DDC: variants seen among roughly 807,000 people sequenced by gnomAD.
The protein encoded by DDC is aromatic-L-amino-acid decarboxylase.
A neutral mutation model predicts 60.0 loss-of-function variants in DDC; 43 were observed. The ratio of observed to expected loss-of-function variants is 0.72; its 90% confidence interval spans 0.56 to 0.92. The LOEUF is 0.92. Ranked by LOEUF, DDC falls within the 40% of genes least tolerant of loss-of-function variation. The pLI is 0.00. For synonymous variants in DDC, 232 were observed against 234.6 expected (o/e 0.99, Z 0.10); for missense variants, 573 against 620.2 (o/e 0.92, Z 0.81).
chr7:50,497,674 CATT>C (rs1435546586), intron 8 of DDC, among the ~76,000 whole-genome samples: 3 of 152,196 alleles, frequency 2.0e-5, no homozygotes, highest in African/African-American at 7.2e-5. Flanking sequence ...ACTGGCATCA[CATT>C]ATGAGAACTT....
chr7:50,459,935 G>A lies in DDC; in HGVS notation c.*19-1092C>T, dbSNP rs1374772483. Among the ~76,000 whole-genome samples the A allele has an allele frequency of 5.0e-5, 7 of 141,042 alleles. 1 individual carries two copies. The highest frequency in any genetic ancestry group is 1.9e-4 in the African/African-American group (7 of 35,966). The allele number at this position is 141,042 out of a possible 152,430, so 92.5% of individuals were successfully genotyped here. ...GCCCCATCCAGGAGGGAGGTGGGGG[G>A]GTCAGCCCCCTGCCCGGCCAGCCGC... On this transcript the variant is annotated intron_variant, in intron 14 of 14. Coordinates refer to ENST00000444124, the MANE Select transcript of DDC (RefSeq NM_001082971.2).
chr7:50,469,251 A>ATTGT (rs2042473559), intron 12 of DDC, among the ~76,000 whole-genome samples: 1 of 68,772 alleles, frequency 1.5e-5, no homozygotes, highest in African/African-American at 5.8e-5. Context: ...GCCAATTGTT[A>ATTGT]TTTTAAAAAA....
Position 50,508,642 on chromosome 7 carries a change from C to A in DDC, c.715-4583G>T, listed in dbSNP as rs536299150. On this transcript the variant is annotated intron_variant, in intron 6 of 14. Coordinates refer to ENST00000444124, the MANE Select transcript of DDC (RefSeq NM_001082971.2). Reference sequence around the variant, plus strand: ...CCCTGCCAAATGTGCCCCTTGCCCTCAGCAGCAAGTCTTCAATTTTAAGGG... The same window carrying A: ...CCCTGCCAAATGTGCCCCTTGCCCTAAGCAGCAAGTCTTCAATTTTAAGGG... Among the ~76,000 whole-genome samples the A allele has an allele frequency of 3.0e-4, 45 of 152,342 alleles. No individual in the cohort carries two copies. The South Asian group carries it at 5.6e-3, about 19-fold the overall frequency.
intron 6 of DDC, among the ~76,000 whole-genome samples, chr7:50,523,908 G>T (rs2043967362): frequency 6.6e-6 from 1 of 152,192 alleles, no homozygotes; most frequent in Non-Finnish European, 1.5e-5. Flanking sequence ...TCAAAACTTG[G>T]AAGCAAACAA....
chr7:50,514,159 T>C (rs1223884885), intron 6 of DDC, among the ~76,000 whole-genome samples: 1 of 152,184 alleles, frequency 6.6e-6, no homozygotes, highest in Non-Finnish European at 1.5e-5. Context: ...AAGGACTCTG[T>C]GCAGATAACC....
intron 9 of DDC, among the ~76,000 whole-genome samples, chr7:50,484,446 G>T (rs1282704656): frequency 1.3e-5 from 2 of 152,050 alleles, no homozygotes; most frequent in Non-Finnish European, 2.9e-5. Flanking sequence ...TGGCAAGTTT[G>T]GTTGCATGTT....
At chr7:50,533,242 C>T (rs948621776) in intron 4 of DDC, among the ~76,000 whole-genome samples, 7 of 151,562 alleles carry the variant, frequency 4.6e-5, no homozygotes, top group Admixed American at 4.6e-4. Flanking sequence ...GACAAGAAAG[C>T]TCCTGTGTCT....
intron 4 of DDC, among the ~76,000 whole-genome samples, chr7:50,534,907 G>A (rs1206527679): frequency 6.6e-6 from 1 of 152,206 alleles, no homozygotes; most frequent in East Asian, 1.9e-4. Flanking sequence ...CAGAGCACTG[G>A]CTGCGGACAG....
Position 50,479,794 on chromosome 7 carries a change from C to T in DDC, c.1014G>A (p.Gln338=), listed in dbSNP as rs766640988. 1.2e-6 allele frequency: 2 copies of T among 1,613,516 alleles called. No homozygotes were observed. The highest frequency in any genetic ancestry group is 2.2e-5 in the South Asian group (2 of 91,040). Residue 338 remains glutamine, a synonymous_variant, in exon 10 of 15, where the codon CAG becomes CAA. Transcript: ENST00000444124. The stretch of plus-strand genomic sequence containing the variant: ...AGCAGGCTCACAGCTTACCTGAATC[C>T]TGATGGCTGTGCTTCAGGTAAGTGG... ...LDPTYLKHSH[Q]DSGLITDYRH...
chr7:50,555,014 C>A (rs1451375), intron 1 of DDC, among the ~76,000 whole-genome samples: 48,837 of 151,934 alleles, frequency 0.32, 8,532 homozygotes, highest in East Asian at 0.48. Flanking sequence ...GCTCAGGTAA[C>A]CTCTATGGCC....
At chr7:50,541,104 C>T (rs914141240) in intron 2 of DDC, among the ~76,000 whole-genome samples, 1 of 152,196 alleles carries the variant, frequency 6.6e-6, no homozygotes, top group Non-Finnish European at 1.5e-5. Context: ...CCATTCAGAC[C>T]CCTCTCAGGC....
rs138415915 is a variant in DDC at position 50,527,117 on chromosome 7, T to C, written c.714+1020A>G. 1.6e-3 allele frequency among the ~76,000 whole-genome samples: 240 copies of C among 152,346 alleles called. 4 individuals are homozygous for C. The highest frequency in any genetic ancestry group is 0.015 in the Admixed American group (226 of 15,310). ...GTTCTTAGTTTTTTGTGGTTATATA[T>C]GAAACTGACTTCATATATTTCGCAT... On this transcript the variant is annotated intron_variant, in intron 6 of 14. Transcript: ENST00000444124.
rs376647978 is a variant in DDC at position 50,543,970 on chromosome 7, C to G, written c.116G>C (p.Arg39Pro). ...VYPDVEPGYL[R>P]PLIPAAAPQE... ...AGGGGCAGCGGCAGGGATCAGCGGC[C>G]GCAGGTACCCGGGCTCCACGTCAGG... The change falls in exon 2 of 15, where the codon CGG becomes CCG. Residue 39 changes from arginine to proline, a missense_variant. Coordinates refer to ENST00000444124, the MANE Select transcript of DDC (RefSeq NM_001082971.2). 3 of 1,614,028 alleles carry G rather than the reference C, an allele frequency of 1.9e-6. No homozygotes were observed. In the African/African-American group the frequency reaches 4.0e-5, roughly 22 times the overall value.
At chr7:50,492,696 G>GCTCTCTC in intron 9 of DDC, 4 of 1,363,268 alleles carry the variant, frequency 2.9e-6, no homozygotes, top group South Asian at 1.6e-5. Context: ...TTTCCAAATG[G>GCTCTCTC]CCTTTTCCAA....
intron 1 of DDC, among the ~76,000 whole-genome samples, chr7:50,559,166 G>T (rs939627340): frequency 6.6e-6 from 1 of 152,154 alleles, no homozygotes; most frequent in Admixed American, 6.5e-5. Context: ...ACAGCAATGC[G>T]AAGAGGCTGA....
chr7:50,475,878 T>C (rs539687531), intron 11 of DDC, among the ~76,000 whole-genome samples: 86 of 152,086 alleles, frequency 5.7e-4, no homozygotes, highest in African/African-American at 2.0e-3. Flanking sequence ...TTAGCACAGA[T>C]GGGGTTTCAC....
intron 1 of DDC, among the ~76,000 whole-genome samples, chr7:50,564,559 T>C (rs1354821578): frequency 6.6e-6 from 1 of 152,202 alleles, no homozygotes; most frequent in Non-Finnish European, 1.5e-5. Context: ...AGCAATGATT[T>C]CCATCGATTA....
chr7:50,563,300 T>C (rs1274319650), intron 1 of DDC, among the ~76,000 whole-genome samples: 1 of 152,222 alleles, frequency 6.6e-6, no homozygotes, highest in African/African-American at 2.4e-5. Flanking sequence ...TGATAGATGT[T>C]GACATTTGCA....
At chr7:50,524,626 C>T (rs1470813893) in intron 6 of DDC, among the ~76,000 whole-genome samples, 2 of 152,106 alleles carry the variant, frequency 1.3e-5, no homozygotes, top group African/African-American at 4.8e-5. Flanking sequence ...CATATTAATG[C>T]ATATCTATCA....
Sources: gnomAD v4.1 joint callset for allele counts (sites outside exome capture counted in the v4.1 genomes callset) on GRCh38, gnomAD v4.1.1 for gene constraint, MANE v1.5 for transcripts, NCBI Gene and HGNC (gene_info 2026-07-23, HGNC 2026-07-21) for gene names.